ERI2: variants seen among roughly 807,000 people sequenced by gnomAD.
The protein encoded by ERI2 is ERI1 exoribonuclease 2.
A neutral mutation model predicts 46.8 loss-of-function variants in ERI2; 35 were observed. The observed-to-expected ratio is 0.75, with a 90% CI of 0.57 to 0.99. The LOEUF is 0.99. Ranked by LOEUF, ERI2 falls within the 50% of genes least tolerant of loss-of-function variation. ERI2 has a pLI of 0.00. For synonymous variants in ERI2, 224 were observed against 271.0 expected, an observed-to-expected ratio of 0.83 and a Z score of 1.70; for missense variants, 695 against 796.2, an observed-to-expected ratio of 0.87 and a Z score of 1.53.
At chr16:20,783,475 C>T (rs1311858610) in intron 10 of ERI2, 1 of 152,156 alleles carries the variant, frequency 6.6e-6, no homozygotes, top group African/African-American at 2.4e-5. Context: ...TGAGCATTTC[C>T]TTTGAGCATC....
At chr16:20,780,542 C>T in exon 11 of ERI2, 1 of 1,354,212 alleles carries the variant, frequency 7.4e-7, no homozygotes, top group Admixed American at 2.2e-5. Flanking sequence ...TTCTAGAAAG[C>T]ACCTAAAAGG....
intron 1 of ERI2, 96 bp downstream of exon 1, chr16:20,806,312 C>T: frequency 6.6e-7 from 1 of 1,513,174 alleles, no homozygotes; most frequent in South Asian, 1.2e-5. Context: ...AATAGAGGCC[C>T]TCACCGCAGA....
chr16:20,795,765 A>T (rs1053420646), downstream of ERI2, among the ~76,000 whole-genome samples: 10 of 152,214 alleles, frequency 6.6e-5, no homozygotes, highest in African/African-American at 2.4e-4. Context: ...GTAGTGCCCT[A>T]GGAGAGAAAA....
At position 20,790,854 on chromosome 16, in the gene ERI2, A is replaced by C; in HGVS notation, c.811T>G (p.Phe271Val). 6.2e-7 allele frequency: 1 copy of C among 1,614,028 alleles called. No homozygotes were observed. Among genetic ancestry groups the C allele is most frequent in the South Asian group, 1.1e-5 (1 of 91,076 alleles). The change falls in exon 9 of 11, where the codon TTT becomes GTT. Residue 271 changes from phenylalanine (F) to valine (V), a missense_variant. Phe to Val is a conservative substitution (Grantham distance 50). Coordinates refer to the ERI2 transcript ENST00000300005. The surrounding 1 kb of genome is among the most constrained non-coding windows in gnomAD (Gnocchi z 4.0). ...GACAAGAAATTGAAGAAATACCCAA[A>C]TTCTTGCTGAAGAAAAGCATGCTGG...
Position 20,799,316 on chromosome 16 carries a change from A to C in ERI2, c.679T>G (p.Trp227Gly). ...DDSRNTALLA[W>G]KMIRDGCVMK... ...ACACAACCATCTCTGATCATTTTCC[A>C]AGCAAGAAGGGCAGTATTCCGAGAA... The change falls in exon 8 of 9, where the codon TGG becomes GGG. Residue 227 changes from tryptophan to glycine, a missense_variant. By Grantham distance (184) the Trp-to-Gly change is radical. Coordinates refer to ENST00000357967, the MANE Select transcript of ERI2 (RefSeq NM_001142725.2). 6.2e-7 allele frequency: 1 copy of C among 1,613,760 alleles called. No individual in the cohort carries two copies. The highest frequency in any genetic ancestry group is 1.7e-4 in the Middle Eastern group (1 of 6,060).
chr16:20,790,721 T>G lies in ERI2; in HGVS notation c.815+129A>C, dbSNP rs773264635. 8 of 1,614,046 alleles carry G rather than the reference T, an allele frequency of 5.0e-6. No homozygotes were observed. Among genetic ancestry groups the G allele is most frequent in the Non-Finnish European group, 6.8e-6 (8 of 1,179,936 alleles). ...ACTTACTAAATAATCTCATTTTCTA[T>G]TTATTTCTCAAGTGCTTGGTAACAA... On this transcript the variant is annotated intron_variant, in intron 9 of 10. Transcript: ENST00000300005. The surrounding 1 kb of genome is among the most constrained non-coding windows in gnomAD (Gnocchi z 4.0).
In ERI2 at chr16:20,798,929, C is replaced by G; in HGVS notation, c.871G>C (p.Glu291Gln). The G allele has an allele frequency of 6.4e-7, 1 of 1,551,166 alleles. No homozygotes were observed. The highest frequency in any genetic ancestry group is 8.7e-7 in the Non-Finnish European group (1 of 1,146,816). Residue 291 changes from glutamate to glutamine, a missense_variant, in exon 9 of 9, where the codon GAA becomes CAA. Glu to Gln is a conservative substitution (Grantham distance 29). Transcript: ENST00000357967. The part of the protein sequence containing the change: ...KEPKNIINPH[E>Q]KVQMKSICAN... ...CAAATTGACTTCATTTGAACTTTTT[C>G]ATGAGGATTTATTATATTTTTAGGC...
At chr16:20,781,663 T>C (rs560395088) in intron 10 of ERI2, 38 of 1,411,442 alleles carry the variant, frequency 2.7e-5, no homozygotes, top group Middle Eastern at 3.5e-4. Context: ...TAAGCACTTA[T>C]TTAAGTTGTA....
In ERI2 at chr16:20,798,397, G is replaced by A; in HGVS notation, c.1403C>T (p.Ser468Phe). 1.9e-6 allele frequency: 3 copies of A among 1,550,434 alleles called. No individual in the cohort carries two copies. Among genetic ancestry groups the A allele is most frequent in the Non-Finnish European group, 2.6e-6 (3 of 1,146,702 alleles). Reference protein sequence around the residue: ...FGDIEETPQKSETSKSIVYKS... With the variant: ...FGDIEETPQKFETSKSIVYKS... ...GTACACAATAGACTTAGAAGTCTCA[G>A]ATTTTTGAGGAGTTTCCTCTATGTC... Residue 468 changes from serine (S) to phenylalanine (F), a missense_variant, in exon 9 of 9, where the codon TCT becomes TTT. Physicochemically the swap from Ser to Phe is radical, Grantham distance 155. Transcript: ENST00000357967.
In ERI2 at chr16:20,790,925, A is replaced by G. The variant is rs879129453; in HGVS notation, c.740T>C (p.Phe247Ser). The G allele has an allele frequency of 6.2e-7, 1 of 1,613,874 alleles. No homozygotes were observed. Among genetic ancestry groups the G allele is most frequent in the Non-Finnish European group, 8.5e-7 (1 of 1,179,898 alleles). ...GTTCCAGGTCCACGAAGGCAAGAGG[A>G]AGGGACCCTAGAAAGAGGACAGCCT... Residue 247 changes from phenylalanine to serine, a missense_variant, in exon 9 of 11, where the codon TTC becomes TCC. Coordinates refer to the ERI2 transcript ENST00000300005. The surrounding 1 kb of genome is among the most constrained non-coding windows in gnomAD (Gnocchi z 4.0).
rs2080750261 is a variant in ERI2 at position 20,797,915 on chromosome 16, C to G, written c.1885G>C (p.Glu629Gln). 6.4e-7 allele frequency: 1 copy of G among 1,551,692 alleles called. No homozygotes were observed. The highest frequency in any genetic ancestry group is 8.7e-7 in the Non-Finnish European group (1 of 1,146,946). Reference sequence around the variant, plus strand: ...AAATAACCACAACATTTTCTGTTTTCTTGGTATTTCCCGATAGGGCAACAA... The same window carrying G: ...AAATAACCACAACATTTTCTGTTTTGTTGGTATTTCCCGATAGGGCAACAA... ...FYCCPIGKYQ[E>Q]NRKCCGYFKW... The change falls in exon 9 of 9, where the codon GAA (glutamate) becomes CAA (glutamine). Residue 629 changes from glutamate (E) to glutamine (Q), a missense_variant. Coordinates refer to ENST00000357967, the MANE Select transcript of ERI2 (RefSeq NM_001142725.2).
chr16:20,794,677 A>G (rs1383886241), downstream of ERI2, among the ~76,000 whole-genome samples: 2 of 152,206 alleles, frequency 1.3e-5, no homozygotes, highest in Non-Finnish European at 2.9e-5. Flanking sequence ...ACTACAACTA[A>G]GAGCTAATGT....
chr16:20,792,619 C>T (rs2080627865), downstream of ERI2: 1 of 985,350 alleles, frequency 1.0e-6, no homozygotes, highest in South Asian at 4.7e-5. Context: ...ATGCCAGTAA[C>T]CCAGGCTCAC....
downstream of ERI2, among the ~76,000 whole-genome samples, chr16:20,793,582 A>G (rs1259710670): frequency 6.6e-6 from 1 of 152,246 alleles, no homozygotes; most frequent in African/African-American, 2.4e-5. Context: ...CTTTGATGCC[A>G]GAAGATACCC....
downstream of ERI2, among the ~76,000 whole-genome samples, chr16:20,793,729 A>G (rs1009967031): frequency 2.0e-5 from 3 of 152,206 alleles, no homozygotes; most frequent in Non-Finnish European, 2.9e-5. Flanking sequence ...AGGGCAGGGA[A>G]AACAGTCAGT....
chr16:20,790,332 C>T lies in ERI2; in HGVS notation c.815+518G>A, dbSNP rs1307778511. On this transcript the variant is annotated intron_variant, in intron 9 of 10. Coordinates refer to the ERI2 transcript ENST00000300005. The surrounding 1 kb of genome is among the most constrained non-coding windows in gnomAD (Gnocchi z 4.0). ...GAGCATAATGACATGTGCTTGTAGC[C>T]CCAGATACTTGGGAAGCTGAGGTGT... is the stretch of plus-strand genomic sequence containing the variant. 6.6e-6 allele frequency among the ~76,000 whole-genome samples: 1 copy of T among 152,004 alleles called. No homozygotes were observed. The highest frequency in any genetic ancestry group is 1.5e-5 in the Non-Finnish European group (1 of 68,012).
downstream of ERI2, chr16:20,791,927 GA>G (rs79083383): frequency 0.17 from 193,801 of 1,123,296 alleles, 1 homozygote; most frequent in East Asian, 0.21. Flanking sequence ...GACTGTCTCG[GA>G]AAAAAAAAAA....
intron 10 of ERI2, among the ~76,000 whole-genome samples, chr16:20,785,465 T>C (rs2080451241): frequency 6.6e-6 from 1 of 152,158 alleles, no homozygotes; most frequent in Non-Finnish European, 1.5e-5. Context: ...CCTTGCTGCC[T>C]GAAATATTAA....
In ERI2 at chr16:20,799,363, GAT is replaced by G. The variant is rs765186448; in HGVS notation, c.644-14_644-13del. ...AGAATCGTCCAACCCTGAGGATACA[GAT>G]ATCAAACACTGAATTTAGTGGTACT... On this transcript the variant is annotated splice_polypyrimidine_tract_variant and intron_variant, in intron 7 of 8. Transcript: ENST00000357967. The G allele has an allele frequency of 3.7e-6, 6 of 1,611,684 alleles. No homozygotes were observed. In the East Asian group the frequency reaches 1.1e-4, roughly 30 times the overall value.
Sources: allele counts gnomAD v4.1 joint callset (sites outside exome capture counted in the v4.1 genomes callset), GRCh38; gene constraint gnomAD v4.1.1; non-coding constraint Gnocchi (gnomAD v3.1); transcripts MANE v1.5; gene names NCBI Gene and HGNC (gene_info 2026-07-23, HGNC 2026-07-21).